PAH: variants seen among roughly 807,000 people sequenced by gnomAD.
PAH encodes the protein phenylalanine hydroxylase, also known as phenylalanine-4-hydroxylase.
Under a neutral mutation model 62.0 loss-of-function variants are expected in PAH, and 64 were observed. The observed-to-expected ratio is 1.03, with a 90% CI of 0.84 to 1.27. The LOEUF (loss-of-function observed/expected upper bound fraction) is 1.27. PAH is among the 50% of genes most tolerant of loss of function. The probability of loss-of-function intolerance (pLI) is 0.00; values close to 1 mark genes in which losing one functional copy is unlikely to be tolerated. For synonymous variants in PAH, 195 were observed against 196.2 expected, an observed-to-expected ratio of 0.99 and a Z score of 0.05; for missense variants, 579 against 542.8, an observed-to-expected ratio of 1.07 and a Z score of -0.66.
chr12:102,871,682 G>C (rs1876322025), intron 4 of PAH, among the ~76,000 whole-genome samples: 1 of 152,116 alleles, frequency 6.6e-6, no homozygotes, highest in South Asian at 2.1e-4. Context: ...CAGCACTTTG[G>C]GAGTCCAAGG....
chr12:102,890,153 C>A (rs532556887), intron 3 of PAH, among the ~76,000 whole-genome samples: 3 of 152,260 alleles, frequency 2.0e-5, no homozygotes, highest in African/African-American at 7.2e-5. Context: ...TTCTATCACC[C>A]ACATGGCTTT....
At chr12:102,940,922 A>G (rs1204222571) in intron 1 of PAH, among the ~76,000 whole-genome samples, 1 of 152,196 alleles carries the variant, frequency 6.6e-6, no homozygotes, top group Non-Finnish European at 1.5e-5. Flanking sequence ...ACAGCTACAG[A>G]GAAAGGGCAG....
chr12:102,932,026 A>C (rs1283773129), intron 1 of PAH, among the ~76,000 whole-genome samples: 1 of 152,206 alleles, frequency 6.6e-6, no homozygotes, highest in Non-Finnish European at 1.5e-5. Flanking sequence ...GAACAAGCTC[A>C]GAAAAAGTGA....
At chr12:102,877,094 G>A (rs1434970731) in intron 4 of PAH, 1 of 355,282 alleles carries the variant, frequency 2.8e-6, no homozygotes, top group Non-Finnish European at 5.5e-6. Flanking sequence ...GCCCCCTGCA[G>A]TTGGCAGAGT....
chr12:102,874,568 G>A (rs1402634864), intron 4 of PAH, among the ~76,000 whole-genome samples: 2 of 152,194 alleles, frequency 1.3e-5, no homozygotes, highest in Non-Finnish European at 2.9e-5. Flanking sequence ...AAAAAGGAAT[G>A]CCAAGCATTT....
At chr12:102,953,029 C>T (rs7133911), upstream of PAH, among the ~76,000 whole-genome samples, 7,449 of 152,194 alleles carry the variant, frequency 0.049, 650 homozygotes, top group African/African-American at 0.17. Context: ...TTTCATTTTC[C>T]CTGGGTAGGA....
rs970961927 is a variant in PAH at position 102,866,321 on chromosome 12, G to A, written c.509+275C>T. On this transcript the variant is annotated intron_variant, in intron 5 of 12. Coordinates refer to ENST00000553106, the MANE Select transcript of PAH (RefSeq NM_000277.3). ...TTCTAATTACTGCAGACACCACTGC[G>A]TAATTAGACAACAAAGCTTGGGAGA... is the stretch of plus-strand genomic sequence containing the variant. 3.3e-5 allele frequency among the ~76,000 whole-genome samples: 5 copies of A among 152,254 alleles called. No homozygotes were observed. The South Asian group carries it at 8.3e-4, about 25-fold the overall frequency.
intron 5 of PAH, among the ~76,000 whole-genome samples, chr12:102,865,445 G>C (rs1289922200): frequency 6.6e-6 from 1 of 152,128 alleles, no homozygotes; most frequent in Non-Finnish European, 1.5e-5. Context: ...AAAATGAGAA[G>C]TTATTATTGA....
intron 2 of PAH, among the ~76,000 whole-genome samples, chr12:102,899,946 T>C (rs868243492): frequency 2.7e-5 from 4 of 147,100 alleles, no homozygotes; most frequent in Middle Eastern, 3.6e-3. Flanking sequence ...CTTCAAGACA[T>C]GAGTGCAGTG....
chr12:102,855,559 C>G (rs188202266), intron 5 of PAH, among the ~76,000 whole-genome samples: 2 of 152,272 alleles, frequency 1.3e-5, no homozygotes, highest in African/African-American at 4.8e-5. Context: ...GTGATACAGG[C>G]TACAATGAGG....
chr12:102,877,164 G>A, intron 4 of PAH: 1 of 435,978 alleles, frequency 2.3e-6, no homozygotes, highest in Non-Finnish European at 4.3e-6. Context: ...ATGTACACAG[G>A]CAGAAACAAT....
intron 2 of PAH, among the ~76,000 whole-genome samples, chr12:102,897,420 T>C (rs1357551378): frequency 6.7e-6 from 1 of 149,182 alleles, no homozygotes; most frequent in Non-Finnish European, 1.5e-5. Context: ...TTGTAATAAT[T>C]TTTTATATTT....
intron 3 of PAH, 39 bp from the exon 4 acceptor site, chr12:102,877,589 G>T: frequency 1.4e-6 from 2 of 1,460,662 alleles, no homozygotes; most frequent in Non-Finnish European, 1.9e-6. Flanking sequence ...GTACAGATTG[G>T]CAGAACATGG....
intron 1 of PAH, among the ~76,000 whole-genome samples, chr12:102,927,316 A>G (rs921526338): frequency 3.5e-5 from 5 of 143,518 alleles, no homozygotes; most frequent in African/African-American, 1.3e-4. Context: ...CATTGCTCCT[A>G]GTCAGAGGTG....
intron 5 of PAH, among the ~76,000 whole-genome samples, chr12:102,864,014 T>C (rs1412183919): frequency 6.6e-6 from 1 of 152,172 alleles, no homozygotes; most frequent in South Asian, 2.1e-4. Flanking sequence ...CTTGGATTCA[T>C]TCATTCATTC....
chr12:102,851,898 T>C (rs781109234), intron 7 of PAH, 142 bp from the exon 8 acceptor site: 20 of 685,214 alleles, frequency 2.9e-5, no homozygotes, highest in Non-Finnish European at 4.5e-5. Flanking sequence ...ATAAGTGATA[T>C]GCAGAGGTTG....
At chr12:102,856,878 G>A (rs574113777) in intron 5 of PAH, among the ~76,000 whole-genome samples, 286 of 152,248 alleles carry the variant, frequency 1.9e-3, no homozygotes, top group African/African-American at 6.6e-3. Flanking sequence ...CCACAAAGAT[G>A]GGGAAAAAAC....
At chr12:102,865,692 G>A (rs1053856429) in intron 5 of PAH, among the ~76,000 whole-genome samples, 5 of 152,132 alleles carry the variant, frequency 3.3e-5, no homozygotes, top group Admixed American at 2.0e-4. Context: ...TCTGACTAAA[G>A]ACAGCACATT....
At chr12:102,903,435 C>G (rs572818889) in intron 2 of PAH, among the ~76,000 whole-genome samples, 1 of 151,504 alleles carries the variant, frequency 6.6e-6, no homozygotes, top group Admixed American at 6.6e-5. Context: ...ATAATCACAA[C>G]TCATATGCTA....
Sources: gnomAD v4.1 joint callset for allele counts (sites outside exome capture counted in the v4.1 genomes callset) on GRCh38, gnomAD v4.1.1 for gene constraint, MANE v1.5 for transcripts, NCBI Gene and HGNC (gene_info 2026-07-23, HGNC 2026-07-21) for gene names.